The following CDH4 variants were observed in gnomAD, a reference collection of about 807,000 sequenced individuals.
CDH4 encodes the protein cadherin 4.
In CDH4, 33 loss-of-function variants were observed where a neutral mutation model predicts 86.0. The ratio of observed to expected loss-of-function variants is 0.38; its 90% CI spans 0.29 to 0.51. The LOEUF (loss-of-function observed/expected upper bound fraction) is 0.51. CDH4 is among the 20% of genes least tolerant of loss of function. CDH4 has a pLI of 0.86. For synonymous variants in CDH4, 555 were observed against 549.4 expected (o/e 1.01, Z -0.14); for missense variants, 1,114 against 1,307.4 (o/e 0.85, Z 2.28).
chr20:61,644,175 T>A (rs1046441914), intron 2 of CDH4, among the ~76,000 whole-genome samples: 1 of 152,192 alleles, frequency 6.6e-6, no homozygotes, highest in Non-Finnish European at 1.5e-5. Context: ...TTTCAGTGAA[T>A]GAGCTGAGCT....
chr20:61,373,476 GC>G, intron 2 of CDH4, among the ~76,000 whole-genome samples: 1 of 152,338 alleles, frequency 6.6e-6, no homozygotes, highest in South Asian at 2.1e-4. Context: ...AAGATAATGT[GC>G]TGGATGTTCT....
intron 2 of CDH4, among the ~76,000 whole-genome samples, chr20:61,632,087 A>C (rs2086894721): frequency 6.6e-6 from 1 of 152,254 alleles, no homozygotes; most frequent in Non-Finnish European, 1.5e-5. Flanking sequence ...ACACACGTGT[A>C]GCCTCCTGTG....
chr20:61,719,432 T>C (rs1439228468), intron 2 of CDH4: 1 of 240,248 alleles, frequency 4.2e-6, no homozygotes, highest in Non-Finnish European at 9.0e-6. Context: ...TATTGCAAAA[T>C]GCTTGCGTGA....
At chr20:61,655,843 C>T (rs1045844274) in intron 2 of CDH4, among the ~76,000 whole-genome samples, 3 of 152,186 alleles carry the variant, frequency 2.0e-5, no homozygotes, top group South Asian at 2.1e-4. Context: ...TGCATGCAGT[C>T]GGTGAACGGC....
intron 8 of CDH4, among the ~76,000 whole-genome samples, chr20:61,906,108 A>G (rs906837825): frequency 6.6e-6 from 1 of 152,200 alleles, no homozygotes; most frequent in African/African-American, 2.4e-5. Flanking sequence ...CTGACCCCTA[A>G]TTGGCTGACT....
intron 2 of CDH4, among the ~76,000 whole-genome samples, chr20:61,654,232 G>T (rs945583505): frequency 2.0e-5 from 3 of 152,180 alleles, no homozygotes; most frequent in Non-Finnish European, 4.4e-5. Context: ...AGACCAGCCC[G>T]GCCAACACAG....
chr20:61,592,189 A>G (rs2086523714), intron 2 of CDH4, among the ~76,000 whole-genome samples: 2 of 152,160 alleles, frequency 1.3e-5, no homozygotes, highest in Non-Finnish European at 2.9e-5. Flanking sequence ...TGTACTTCCC[A>G]TTTTGTCACA....
chr20:61,759,327 T>C (rs1227187757), intron 3 of CDH4, among the ~76,000 whole-genome samples: 2 of 152,234 alleles, frequency 1.3e-5, no homozygotes, highest in Non-Finnish European at 2.9e-5. Flanking sequence ...AAAGGGGTCA[T>C]GGACACAGTC....
intron 2 of CDH4, among the ~76,000 whole-genome samples, chr20:61,305,783 A>G (rs1029893437): frequency 1.2e-4 from 18 of 152,234 alleles, no homozygotes; most frequent in African/African-American, 4.3e-4. Flanking sequence ...ATGCTGCCAC[A>G]TCACAAATGG....
At chr20:61,888,344 G>C (rs149518260) in intron 7 of CDH4, among the ~76,000 whole-genome samples, 259 of 152,318 alleles carry the variant, frequency 1.7e-3, no homozygotes, top group African/African-American at 5.9e-3. Flanking sequence ...CTCCTACCTA[G>C]AGGCAGAGCC....
In CDH4 at chr20:61,777,709, C is replaced by T. The variant is rs183835697; in HGVS notation, c.576+4527C>T. Among the ~76,000 whole-genome samples the T allele has an allele frequency of 1.3e-3, 188 of 146,856 alleles. 27 individuals are homozygous for T. Among genetic ancestry groups the T allele is most frequent in the Admixed American group, 1.9e-3 (28 of 14,898 alleles). On this transcript the variant is annotated intron_variant, in intron 4 of 15. Transcript: ENST00000614565. ...GCACACACGTGCATACAAAAACACA[C>T]ACCCACATGCGTGCACACGTGCATA...
rs1434675365 is a variant in CDH4, at chr20:61,777,827, C to T, written c.576+4645C>T. On this transcript the variant is annotated intron_variant, in intron 4 of 15. Transcript: ENST00000614565. ...GCATACAAAAACACACATCCACATG[C>T]GCACGCACTTGCATACAAAAACACA... Among the ~76,000 whole-genome samples the T allele has an allele frequency of 3.4e-5, 5 of 145,238 alleles. 1 individual carries two copies. Among genetic ancestry groups the T allele is most frequent in the South Asian group, 4.3e-4 (2 of 4,668 alleles).
At chr20:61,727,352 T>C (rs61634178) in intron 2 of CDH4, among the ~76,000 whole-genome samples, 13,473 of 147,876 alleles carry the variant, frequency 0.091, 959 homozygotes, top group African/African-American at 0.22. Flanking sequence ...TTCATCACCA[T>C]TGGTACCATC....
At chr20:61,431,105 A>G (rs1367833038) in intron 2 of CDH4, among the ~76,000 whole-genome samples, 2 of 152,252 alleles carry the variant, frequency 1.3e-5, no homozygotes, top group Non-Finnish European at 2.9e-5. Context: ...AACACAGCGC[A>G]GCACGCACAG....
chr20:61,352,674 T>C (rs1600892957), intron 2 of CDH4, among the ~76,000 whole-genome samples: 1 of 152,204 alleles, frequency 6.6e-6, no homozygotes, highest in South Asian at 2.1e-4. Flanking sequence ...ATATTTCTCC[T>C]TGGATGGAGA....
In CDH4 at chr20:61,582,223, G is replaced by T. The variant is rs796396896; in HGVS notation, c.170-161340G>T. On this transcript the variant is annotated intron_variant, in intron 2 of 15. Transcript: ENST00000614565. This position sits in a 1 kb window ranked among gnomAD's most constrained non-coding sequence, Gnocchi z 4.2. ...ACCTCTGCAGCTTCTTCCTAATGCC[G>T]CCTCCCCACCTCCAATCACAGAGGC... Among the ~76,000 whole-genome samples, 5 of 152,180 alleles carry T rather than the reference G, an allele frequency of 3.3e-5. No homozygotes were observed. The highest frequency in any genetic ancestry group is 1.2e-4 in the African/African-American group (5 of 41,444).
chr20:61,733,420 T>C (rs2088220274), intron 2 of CDH4, among the ~76,000 whole-genome samples: 2 of 152,136 alleles, frequency 1.3e-5, no homozygotes, highest in South Asian at 4.2e-4. Context: ...GCACTCTTGC[T>C]CCGACTTTCT....
intron 6 of CDH4, among the ~76,000 whole-genome samples, chr20:61,857,977 G>C (rs1679162592): frequency 6.6e-6 from 1 of 151,766 alleles, no homozygotes; most frequent in Non-Finnish European, 1.5e-5. Flanking sequence ...GTGTGTCTCT[G>C]TGTCTGAGTG....
rs547957332 is a variant in CDH4, at chr20:61,381,683, A to G, written c.169+126746A>G. ...ACCAGTTAACCCCCCCACCTAAGGA[A>G]TATCAATTACTCACTTTCCCACCCC... On this transcript the variant is annotated intron_variant, in intron 2 of 15. Coordinates refer to ENST00000614565, the MANE Select transcript of CDH4 (RefSeq NM_001794.5). Among the ~76,000 whole-genome samples, 213 of 150,656 alleles carry G rather than the reference A, an allele frequency of 1.4e-3. 3 individuals are homozygous for G. Among genetic ancestry groups the G allele is most frequent in the South Asian group, 7.2e-3 (33 of 4,568 alleles).
Sources: allele counts gnomAD v4.1 joint callset (sites outside exome capture counted in the v4.1 genomes callset), GRCh38; gene constraint gnomAD v4.1.1; non-coding constraint Gnocchi (gnomAD v3.1); transcripts MANE v1.5; gene names NCBI Gene and HGNC (gene_info 2026-07-23, HGNC 2026-07-21).